Variants in IL1RAP observed in about 807,000 individuals in gnomAD.
IL1RAP encodes interleukin-1 receptor accessory protein.
IL1RAP carries 35 observed loss-of-function variants against 60.7 expected under a neutral mutation model. That is an observed-to-expected ratio of 0.58 (90% CI 0.44 to 0.76). The LOEUF (loss-of-function observed/expected upper bound fraction) is 0.76. Among genes scored for constraint, IL1RAP ranks in the 30% least tolerant of loss-of-function variants. The pLI, the probability that IL1RAP is intolerant of heterozygous loss-of-function variation, is 0.00. For synonymous variants in IL1RAP, 268 were observed against 250.9 expected, an observed-to-expected ratio of 1.07 and a Z score of -0.64; for missense variants, 572 against 693.9, an observed-to-expected ratio of 0.82 and a Z score of 1.97.
In IL1RAP at chr3:190,638,575, G is replaced by A. The variant is rs947324145; in HGVS notation, c.1052-5673G>A. On this transcript the variant is annotated intron_variant, in intron 9 of 11. Coordinates refer to ENST00000447382, the MANE Select transcript of IL1RAP (RefSeq NM_002182.4). The stretch of plus-strand genomic sequence containing the variant: ...CTGTTGCATGACAATTTGTTTTTTC[G>A]TGAAGTGTTTTAATGAGCAGAGGTT... 5.9e-5 allele frequency among the ~76,000 whole-genome samples: 9 copies of A among 152,000 alleles called. No homozygotes were observed. The South Asian group carries it at 1.0e-3, about 18-fold the overall frequency.
intron 9 of IL1RAP, among the ~76,000 whole-genome samples, chr3:190,643,756 TAGACA>T (rs1733818982): frequency 6.6e-6 from 1 of 152,166 alleles, no homozygotes; most frequent in African/African-American, 2.4e-5. Context: ...CATACTACAC[TAGACA>T]AGAGAATGAA....
chr3:190,532,071 T>G (rs1030890874), intron 1 of IL1RAP, among the ~76,000 whole-genome samples: 1 of 152,132 alleles, frequency 6.6e-6, no homozygotes. Context: ...TCTGGCATAG[T>G]GCACTTTCTG....
chr3:190,597,987 C>CA (rs1390300038), intron 3 of IL1RAP, among the ~76,000 whole-genome samples: 1 of 152,140 alleles, frequency 6.6e-6, no homozygotes, highest in Non-Finnish European at 1.5e-5. Flanking sequence ...TGTTAAACCC[C>CA]AGCAGGCCTT....
chr3:190,539,149 T>C (rs1481061689), intron 1 of IL1RAP, among the ~76,000 whole-genome samples: 1 of 152,080 alleles, frequency 6.6e-6, no homozygotes, highest in African/African-American at 2.4e-5. Context: ...GAAGCTCAGG[T>C]GAGTTCATTG....
intron 2 of IL1RAP, among the ~76,000 whole-genome samples, chr3:190,562,463 C>A (rs1054106231): frequency 9.2e-5 from 14 of 151,888 alleles, no homozygotes; most frequent in African/African-American, 3.4e-4. Flanking sequence ...TTAAGTGTCT[C>A]TAGATGTGTG....
At chr3:190,538,965 T>C (rs1039061592) in intron 1 of IL1RAP, among the ~76,000 whole-genome samples, 2 of 152,154 alleles carry the variant, frequency 1.3e-5, no homozygotes, top group African/African-American at 4.8e-5. Context: ...GCCATGCTGA[T>C]TTGTGAGTCA....
In IL1RAP at chr3:190,608,572, C is replaced by A. The variant is rs537445027; in HGVS notation, c.351-423C>A. On this transcript the variant is annotated intron_variant, in intron 4 of 11. Transcript: ENST00000447382. ...CATAGGTTTGTTTATACCAGCATCACCAAAAACGTGAATAATATGTTGCCC... is the reference window on the plus strand; with the variant it reads ...CATAGGTTTGTTTATACCAGCATCAACAAAAACGTGAATAATATGTTGCCC... 9.9e-5 allele frequency among the ~76,000 whole-genome samples: 15 copies of A among 152,112 alleles called. No homozygotes were observed. The South Asian group carries it at 3.1e-3, about 32-fold the overall frequency.
chr3:190,647,661 G>C (rs1734109130), intron 11 of IL1RAP, among the ~76,000 whole-genome samples: 1 of 152,154 alleles, frequency 6.6e-6, no homozygotes, highest in Admixed American at 6.5e-5. Context: ...GATTAATTTA[G>C]GCTCCAGGGG....
intron 11 of IL1RAP, among the ~76,000 whole-genome samples, chr3:190,647,710 C>G (rs1734115696): frequency 6.6e-6 from 1 of 152,016 alleles, no homozygotes; most frequent in African/African-American, 2.4e-5. Context: ...GTGTTACCAG[C>G]CAAAATGCCA....
At chr3:190,598,087 T>G (rs1729534497) in intron 3 of IL1RAP, among the ~76,000 whole-genome samples, 1 of 152,212 alleles carries the variant, frequency 6.6e-6, no homozygotes, top group Non-Finnish European at 1.5e-5. Flanking sequence ...GTGATCTGAA[T>G]TGATACACAT....
intron 1 of IL1RAP, among the ~76,000 whole-genome samples, chr3:190,533,619 C>T: frequency 6.6e-6 from 1 of 152,186 alleles, no homozygotes; most frequent in Non-Finnish European, 1.5e-5. Context: ...GTGTCTGGGC[C>T]TGGCACGGTT....
chr3:190,574,200 C>G (rs937774089), intron 3 of IL1RAP, among the ~76,000 whole-genome samples: 1 of 151,832 alleles, frequency 6.6e-6, no homozygotes, highest in Non-Finnish European at 1.5e-5. Flanking sequence ...AAAACAGAAT[C>G]TAGTATGTGA....
At chr3:190,653,477 C>T (rs1734492719), downstream of IL1RAP, among the ~76,000 whole-genome samples, 1 of 152,036 alleles carries the variant, frequency 6.6e-6, no homozygotes, top group African/African-American at 2.4e-5. Context: ...TAAATATTTC[C>T]TTTTTTCTAT....
chr3:190,575,427 C>T (rs1197721063), intron 3 of IL1RAP, among the ~76,000 whole-genome samples: 1 of 152,146 alleles, frequency 6.6e-6, no homozygotes, highest in Middle Eastern at 3.2e-3. Context: ...AAGAAGTTCT[C>T]TATAGTTATA....
chr3:190,515,610 A>C (rs2108575853), intron 1 of IL1RAP, among the ~76,000 whole-genome samples: 1 of 151,748 alleles, frequency 6.6e-6, no homozygotes, highest in Admixed American at 6.6e-5. Flanking sequence ...GGTGATATGA[A>C]TTTCCTACTA....
chr3:190,552,226 C>T (rs115538306), intron 1 of IL1RAP, among the ~76,000 whole-genome samples: 1 of 152,130 alleles, frequency 6.6e-6, no homozygotes, highest in Non-Finnish European at 1.5e-5. Flanking sequence ...GACTCAGGAA[C>T]TTAACAAGCA....
intron 9 of IL1RAP, among the ~76,000 whole-genome samples, chr3:190,636,327 A>G (rs902449766): frequency 6.6e-6 from 1 of 152,150 alleles, no homozygotes; most frequent in African/African-American, 2.4e-5. Flanking sequence ...TTTACATATA[A>G]TATGGATTTT....
At chr3:190,592,644 G>T (rs1007493854) in intron 3 of IL1RAP, among the ~76,000 whole-genome samples, 1 of 152,158 alleles carries the variant, frequency 6.6e-6, no homozygotes. Flanking sequence ...TGAAACTCCA[G>T]CATGGCAGAT....
chr3:190,516,604 A>C (rs2108579842), intron 1 of IL1RAP, among the ~76,000 whole-genome samples: 1 of 152,350 alleles, frequency 6.6e-6, no homozygotes, highest in African/African-American at 2.4e-5. Context: ...TAATAGAGGA[A>C]GGAGCCCAGG....
Sources: allele counts gnomAD v4.1 joint callset (sites outside exome capture counted in the v4.1 genomes callset), GRCh38; gene constraint gnomAD v4.1.1; transcripts MANE v1.5; gene names NCBI Gene and HGNC (gene_info 2026-07-23, HGNC 2026-07-21).